The following RAB27A variants were observed in gnomAD, a reference collection of about 807,000 sequenced individuals.
The protein encoded by RAB27A is ras-related protein Rab-27A.
In RAB27A, 17 loss-of-function variants were observed where a neutral mutation model predicts 20.8. The ratio of observed to expected loss-of-function variants is 0.82; its 90% CI spans 0.56 to 1.23. RAB27A has a LOEUF of 1.23. Among genes scored for constraint, RAB27A ranks in the 50% most tolerant of loss-of-function variants. The pLI is 0.00. For missense variants in RAB27A, 277 were observed against 266.7 expected, an observed-to-expected ratio of 1.04 and a Z score of -0.27; for synonymous variants, 85 against 92.8, an observed-to-expected ratio of 0.92 and a Z score of 0.48.
At chr15:55,228,920 A>G (rs1191022084) in intron 4 of RAB27A, among the ~76,000 whole-genome samples, 1 of 152,216 alleles carries the variant, frequency 6.6e-6, no homozygotes, top group Non-Finnish European at 1.5e-5. Context: ...GCTGCTGGAG[A>G]GGGATGACAA....
chr15:55,212,921 T>C (rs1405400883), intron 6 of RAB27A, among the ~76,000 whole-genome samples: 4 of 152,250 alleles, frequency 2.6e-5, no homozygotes, highest in Non-Finnish European at 5.9e-5. Flanking sequence ...GCTTCAAAAC[T>C]GTATAGCTGT....
chr15:55,291,067 C>G (rs1898293454), upstream of RAB27A, among the ~76,000 whole-genome samples: 1 of 152,182 alleles, frequency 6.6e-6, no homozygotes, highest in African/African-American at 2.4e-5. Context: ...AAATTACAAA[C>G]AGTTGGCAAT....
intron 2 of RAB27A, among the ~76,000 whole-genome samples, chr15:55,258,436 C>T (rs1432444413): frequency 6.6e-6 from 1 of 152,082 alleles, no homozygotes; most frequent in East Asian, 1.9e-4. Flanking sequence ...GTTTTAGGGC[C>T]CCAGAAAGGC....
At chr15:55,238,098 C>T (rs1896334886) in intron 2 of RAB27A, 1 of 152,148 alleles carries the variant, frequency 6.6e-6, no homozygotes, top group Non-Finnish European at 1.5e-5. Context: ...ATAGACACCA[C>T]CATCAATATT....
At chr15:55,254,092 A>G (rs938652494) in intron 2 of RAB27A, among the ~76,000 whole-genome samples, 12 of 152,218 alleles carry the variant, frequency 7.9e-5, no homozygotes, top group African/African-American at 2.2e-4. Context: ...ATGAAAATCA[A>G]TCTCATAATT....
At chr15:55,209,880 G>GTATATATACATATACACACATATA (rs1894869504) in intron 6 of RAB27A, among the ~76,000 whole-genome samples, 8 of 106,774 alleles carry the variant, frequency 7.5e-5, no homozygotes, top group African/African-American at 4.3e-4. Context: ...ACATATATGT[G>GTATATATACATATACACACATATA]TGTGTATACA....
At chr15:55,280,035 T>A (rs1897973790) in intron 1 of RAB27A, among the ~76,000 whole-genome samples, 1 of 152,180 alleles carries the variant, frequency 6.6e-6, no homozygotes, top group Non-Finnish European at 1.5e-5. Flanking sequence ...ATTTCTATGT[T>A]CCCAGGTGGT....
chr15:55,253,817 AGAC>A (rs1476543622), intron 2 of RAB27A, among the ~76,000 whole-genome samples: 1 of 152,210 alleles, frequency 6.6e-6, no homozygotes, highest in Non-Finnish European at 1.5e-5. Flanking sequence ...GTTAGCAAAG[AGAC>A]TATGAATCAG....
intron 6 of RAB27A, among the ~76,000 whole-genome samples, chr15:55,221,609 G>A (rs186064719): frequency 6.6e-6 from 1 of 152,236 alleles, no homozygotes; most frequent in African/African-American, 2.4e-5. Flanking sequence ...CCCAGGCTTT[G>A]TAATGAGTCA....
In RAB27A at chr15:55,249,273, G is replaced by T. The variant is rs552546427; in HGVS notation, c.-22-14317C>A. Reference sequence around the variant, plus strand: ...CAACAAATTTGGTGGAATTTAAGAGGAATTAAGTGTATTTATTTAGAGGCA... The same window carrying T: ...CAACAAATTTGGTGGAATTTAAGAGTAATTAAGTGTATTTATTTAGAGGCA... On this transcript the variant is annotated intron_variant, in intron 2 of 6. Transcript: ENST00000336787. 3.9e-5 allele frequency among the ~76,000 whole-genome samples: 6 copies of T among 152,222 alleles called. No homozygotes were observed. In the East Asian group the frequency reaches 1.2e-3, roughly 29 times the overall value.
At chr15:55,218,818 C>T (rs1296927226) in intron 6 of RAB27A, among the ~76,000 whole-genome samples, 4 of 151,544 alleles carry the variant, frequency 2.6e-5, no homozygotes, top group African/African-American at 7.3e-5. Flanking sequence ...TCTTGGCTCA[C>T]TGCAACCTCT....
chr15:55,231,370 T>C (rs761457246), intron 3 of RAB27A, among the ~76,000 whole-genome samples: 11 of 152,056 alleles, frequency 7.2e-5, no homozygotes, highest in Non-Finnish European at 1.3e-4. Flanking sequence ...TAGACAACAC[T>C]CCTAGAACAG....
At position 55,276,390 on chromosome 15, in the gene RAB27A, T is replaced by C. The variant is rs142569782; in HGVS notation, c.-142-6106A>G. On this transcript the variant is annotated intron_variant, in intron 1 of 6. Transcript: ENST00000336787. ...AAGAAAAATACTATGTGATCTCCCATATATTTAATATATAGAATCTAAAAT... is the reference window on the plus strand; with the variant it reads ...AAGAAAAATACTATGTGATCTCCCACATATTTAATATATAGAATCTAAAAT... Among the ~76,000 whole-genome samples the C allele has an allele frequency of 5.0e-4, 76 of 152,266 alleles. 1 individual carries two copies. The East Asian group carries it at 0.012, about 24-fold the overall frequency.
rs542409332 is a variant in RAB27A at position 55,209,825 on chromosome 15, T to C, written c.468-4120A>G. On this transcript the variant is annotated intron_variant, in intron 6 of 6. Coordinates refer to ENST00000336787, the MANE Select transcript of RAB27A (RefSeq NM_183235.3). ...ACATATATACACACATGTGTGTATA[T>C]ATACATATATGTGTGTACACATATA... Among the ~76,000 whole-genome samples the C allele has an allele frequency of 1.7e-3, 238 of 137,398 alleles. 65 individuals carry two copies. The highest frequency in any genetic ancestry group is 6.7e-3 in the African/African-American group (223 of 33,216). The allele number at this position is 137,398 out of a possible 152,430, so 90.1% of individuals were successfully genotyped here. A position where few individuals can be genotyped will look rare whatever the true frequency, so the allele number is the denominator to read the frequency against.
chr15:55,248,649 T>C (rs533295943), intron 2 of RAB27A, among the ~76,000 whole-genome samples: 55 of 152,344 alleles, frequency 3.6e-4, no homozygotes, highest in African/African-American at 1.2e-3. Flanking sequence ...ATAGATCACG[T>C]GTTTAAAATA....
rs186129575 is a variant in RAB27A, at chr15:55,317,392, G to C, written c.-234+1539C>G. ...TGCAGCAGCGTGATCTTGACTCACT[G>C]CCACCTCTGCCTCCCAGGTTCAAGT... On this transcript the variant is annotated intron_variant, in intron 1 of 5. Transcript: ENST00000563262. 56 of 216,024 alleles carry C rather than the reference G, an allele frequency of 2.6e-4. 1 individual carries two copies. Among genetic ancestry groups the C allele is most frequent in the Middle Eastern group, 1.5e-3 (1 of 664 alleles). The allele number at this position is 216,024 out of a possible 1,614,324, so 13.4% of individuals were successfully genotyped here.
At chr15:55,229,536 G>T (rs1056483149) in intron 4 of RAB27A, among the ~76,000 whole-genome samples, 3 of 151,992 alleles carry the variant, frequency 2.0e-5, no homozygotes, top group African/African-American at 7.3e-5. Context: ...TTAGCTGTGT[G>T]TAGTGGTGCA....
intron 1 of RAB27A, among the ~76,000 whole-genome samples, chr15:55,286,291 T>C (rs1188565732): frequency 6.6e-6 from 1 of 152,196 alleles, no homozygotes; most frequent in African/African-American, 2.4e-5. Context: ...TCAGAAACCA[T>C]TCTATGTGCT....
intron 2 of RAB27A, among the ~76,000 whole-genome samples, chr15:55,302,912 G>A (rs1200534212): frequency 4.3e-5 from 6 of 139,430 alleles, no homozygotes; most frequent in Admixed American, 6.9e-5. Flanking sequence ...GAGCCTCTCC[G>A]CCCGGCAGCC....
Sources: allele counts gnomAD v4.1 joint callset (sites outside exome capture counted in the v4.1 genomes callset), GRCh38; gene constraint gnomAD v4.1.1; transcripts MANE v1.5; gene names NCBI Gene and HGNC (gene_info 2026-07-23, HGNC 2026-07-21).